ZNF138: variants seen among roughly 807,000 people sequenced by gnomAD.
ZNF138 encodes zinc finger protein 138.
Under a neutral mutation model 33.0 loss-of-function variants are expected in ZNF138, and 33 were observed. That is an observed-to-expected ratio of 1.00 (90% confidence interval 0.76 to 1.34). The LOEUF (loss-of-function observed/expected upper bound fraction) is 1.34. ZNF138 is among the 40% of genes most tolerant of loss of function. ZNF138 has a pLI of 0.00. For synonymous variants in ZNF138, 139 were observed against 120.4 expected, an observed-to-expected ratio of 1.15 and a Z score of -1.01; for missense variants, 360 against 370.8, an observed-to-expected ratio of 0.97 and a Z score of 0.24.
chr7:64,854,000 C>CA, the ZNF138 span, among the ~76,000 whole-genome samples: 2 of 145,448 alleles, frequency 1.4e-5, no homozygotes, highest in Non-Finnish European at 1.5e-5. Context: ...GGCTCTGTCT[C>CA]AAAAAAACAA....
chr7:64,843,659 G>T, the ZNF138 span, among the ~76,000 whole-genome samples: 1 of 150,656 alleles, frequency 6.6e-6, no homozygotes. Context: ...ATATATTTTT[G>T]ATATTAACCC....
chr7:64,839,568 T>C, the ZNF138 span, among the ~76,000 whole-genome samples: 149,967 of 152,128 alleles, frequency 0.99, 73,955 homozygotes, highest in East Asian at 1. Context: ...GGTGTGCGCA[T>C]GACTCTCGGC....
intron 1 of ZNF138, among the ~76,000 whole-genome samples, chr7:64,809,957 G>A (rs1288486297): frequency 1.2e-5 from 1 of 86,602 alleles, no homozygotes; most frequent in African/African-American, 4.7e-5. Context: ...GGGCGGAGAC[G>A]CTCCTCACTT....
chr7:64,831,350 T>A (rs1790062183), intron 3 of ZNF138, 101 bp from the exon 4 acceptor site: 1 of 1,142,512 alleles, frequency 8.8e-7, no homozygotes, highest in African/African-American at 1.6e-5. Flanking sequence ...TGCTATGCCA[T>A]CTTGCTTATG....
downstream of ZNF138, among the ~76,000 whole-genome samples, chr7:64,838,380 C>A (rs1043093955): frequency 2.8e-5 from 4 of 145,218 alleles, no homozygotes; most frequent in South Asian, 2.3e-4. Context: ...GCAAGGCAGG[C>A]AGGACGGTTG....
At chr7:64,826,835 A>G (rs898511912) in intron 3 of ZNF138, among the ~76,000 whole-genome samples, 5 of 151,866 alleles carry the variant, frequency 3.3e-5, no homozygotes, top group African/African-American at 1.2e-4. Context: ...TTTTTAGTAT[A>G]GACAAGGTTT....
intron 1 of ZNF138, among the ~76,000 whole-genome samples, chr7:64,808,125 CAT>C (rs1284543678): frequency 6.6e-6 from 1 of 152,164 alleles, no homozygotes; most frequent in Non-Finnish European, 1.5e-5. Flanking sequence ...ATCTCTGAGA[CAT>C]TTGAGGATGT....
chr7:64,821,068 T>C (rs1789102073), intron 3 of ZNF138, among the ~76,000 whole-genome samples: 1 of 150,586 alleles, frequency 6.6e-6, no homozygotes, highest in African/African-American at 2.5e-5. Flanking sequence ...TTTTTTTGTT[T>C]TGTTTTGTTT....
chr7:64,801,510 C>T (rs952521487), intron 1 of ZNF138, among the ~76,000 whole-genome samples: 2 of 152,046 alleles, frequency 1.3e-5, no homozygotes, highest in African/African-American at 4.8e-5. Flanking sequence ...TTTAATCAAT[C>T]TGTGGTCTGA....
chr7:64,853,252 G>A, the ZNF138 span: 1 of 1,608,708 alleles, frequency 6.2e-7, no homozygotes, highest in East Asian at 2.2e-5. Context: ...AGGACATCTT[G>A]GGGCACTTTG....
chr7:64,847,182 G>A, the ZNF138 span, among the ~76,000 whole-genome samples: 3 of 151,654 alleles, frequency 2.0e-5, no homozygotes, highest in South Asian at 6.3e-4. Flanking sequence ...AAGAACTTTT[G>A]CATCTGTAGG....
the ZNF138 span, chr7:64,852,597 T>A: frequency 1.3e-6 from 2 of 1,530,824 alleles, no homozygotes; most frequent in Non-Finnish European, 1.8e-6. Context: ...GGTAAACAGA[T>A]CAGAAGCCCG....
the ZNF138 span, chr7:64,853,368 C>T: frequency 1.5e-6 from 2 of 1,378,134 alleles, no homozygotes; most frequent in African/African-American, 1.4e-5. Context: ...TGTTGGGCCC[C>T]ACTCTCCTCA....
intron 1 of ZNF138, among the ~76,000 whole-genome samples, chr7:64,797,818 A>G (rs1234495316): frequency 6.6e-6 from 1 of 152,192 alleles, no homozygotes; most frequent in Non-Finnish European, 1.5e-5. Context: ...CAACTATATA[A>G]TCTTTAAGGA....
chr7:64,819,843 CAA>C (rs1309757923), intron 3 of ZNF138, among the ~76,000 whole-genome samples: 5 of 147,862 alleles, frequency 3.4e-5, no homozygotes, highest in Non-Finnish European at 5.9e-5. Flanking sequence ...GAGGCCAAGA[CAA>C]GAGGATTACT....
At chr7:64,827,251 CTT>C (rs35317442) in intron 3 of ZNF138, among the ~76,000 whole-genome samples, 1 of 144,598 alleles carries the variant, frequency 6.9e-6, no homozygotes, top group Non-Finnish European at 1.5e-5. Context: ...CACCATGAAA[CTT>C]TTTTTTTTTT....
chr7:64,798,833 T>C (rs2128984070), intron 1 of ZNF138, among the ~76,000 whole-genome samples: 1 of 150,594 alleles, frequency 6.6e-6, no homozygotes, highest in East Asian at 1.9e-4. Context: ...GCTTTTTTGA[T>C]GATCAGATGG....
the ZNF138 span, among the ~76,000 whole-genome samples, chr7:64,849,902 C>A: frequency 1.3e-5 from 2 of 152,136 alleles, no homozygotes; most frequent in Admixed American, 1.3e-4. Context: ...GCAAGCAGGG[C>A]TTTTGTGCCT....
chr7:64,842,063 GATTT>G, the ZNF138 span, among the ~76,000 whole-genome samples: 3 of 152,102 alleles, frequency 2.0e-5, no homozygotes, highest in Admixed American at 6.6e-5. Context: ...GCACAACACA[GATTT>G]ATTTATTTAT....
Sources: allele counts gnomAD v4.1 joint callset (sites outside exome capture counted in the v4.1 genomes callset), GRCh38; gene constraint gnomAD v4.1.1; transcripts MANE v1.5; gene names NCBI Gene and HGNC (gene_info 2026-07-23, HGNC 2026-07-21).